KCNJ2: variants seen among roughly 807,000 people sequenced by gnomAD.
KCNJ2 encodes potassium inwardly rectifying channel subfamily J member 2, also known as inward rectifier potassium channel 2.
A neutral mutation model predicts 28.4 loss-of-function variants in KCNJ2; 12 were observed. That is an observed-to-expected ratio of 0.42 (90% CI 0.27 to 0.68). KCNJ2 has a LOEUF of 0.68. Among genes scored for constraint, KCNJ2 ranks in the 30% least tolerant of loss-of-function variants. The pLI is 0.23. For synonymous variants in KCNJ2, 200 were observed against 203.2 expected (o/e 0.98, Z 0.13); for missense variants, 320 against 551.3 (o/e 0.58, Z 4.20).
Position 70,172,424 on chromosome 17 carries a change from G to A in KCNJ2, c.-216-2400G>A, listed in dbSNP as rs140325418. On this transcript the variant is annotated intron_variant, in intron 1 of 1. Coordinates refer to ENST00000243457, the MANE Select transcript of KCNJ2 (RefSeq NM_000891.3). ...ACATGTGGAACAAATTCTGTTATTA[G>A]CAATGGAAATAAGACAATAATAGTC... Among the ~76,000 whole-genome samples the A allele has an allele frequency of 8.6e-5, 13 of 150,724 alleles. No individual in the cohort carries two copies. The East Asian group carries it at 2.3e-3, about 27-fold the overall frequency.
Position 70,175,238 on chromosome 17 carries a change from C to A in KCNJ2, c.199C>A (p.Arg67=), listed in dbSNP as rs104894580. 2 of 1,614,198 alleles carry A rather than the reference C, an allele frequency of 1.2e-6. No individual in the cohort carries two copies. Among genetic ancestry groups the A allele is most frequent in the Non-Finnish European group, 1.7e-6 (2 of 1,180,038 alleles). Residue 67 remains arginine (R), a synonymous_variant, in exon 2 of 2, where the codon CGG becomes AGG. Coordinates refer to ENST00000243457, the MANE Select transcript of KCNJ2 (RefSeq NM_000891.3). This position sits in a 1 kb window ranked among gnomAD's most constrained non-coding sequence, Gnocchi z 8.3. ...QFINVGEKGQ[R]YLADIFTTCV... is the part of the protein sequence containing the mutation. The stretch of plus-strand genomic sequence containing the variant: ...CATCAATGTGGGTGAGAAGGGGCAA[C>A]GGTACCTCGCAGACATCTTCACCAC...
In KCNJ2 at chr17:70,178,873, A is replaced by G. The variant is rs959341383; in HGVS notation, c.*2550A>G. The G allele has an allele frequency of 5.4e-5, 9 of 166,996 alleles. No individual in the cohort carries two copies. In the Admixed American group the frequency reaches 5.9e-4, roughly 11 times the overall value. The allele number at this position is 166,996 out of a possible 1,614,324, so 10.3% of individuals were successfully genotyped here. A position where few individuals can be genotyped will look rare whatever the true frequency, so the allele number is the denominator to read the frequency against. ...AAGAAAAATAATTGCCATAGAAAGT[A>G]TAATTTCAGTGCAGTAATTTCTGAG... On this transcript the variant is annotated 3_prime_UTR_variant, in exon 2 of 2. Coordinates refer to ENST00000243457, the MANE Select transcript of KCNJ2 (RefSeq NM_000891.3).
rs1373889779 is a variant in KCNJ2, at chr17:70,178,799, T to A, written c.*2476T>A. On this transcript the variant is annotated 3_prime_UTR_variant, in exon 2 of 2. Coordinates refer to ENST00000243457, the MANE Select transcript of KCNJ2 (RefSeq NM_000891.3). ...TTTTTAAAGTGTACATTTTATAAAGTTTATCAGATATTTTCATATTTAAAG... is the reference window on the plus strand; with the variant it reads ...TTTTTAAAGTGTACATTTTATAAAGATTATCAGATATTTTCATATTTAAAG... 1 of 166,986 alleles carries A rather than the reference T, an allele frequency of 6.0e-6. No homozygotes were observed. Among genetic ancestry groups the A allele is most frequent in the Non-Finnish European group, 1.5e-5 (1 of 68,118 alleles). 10.3% of individuals were successfully genotyped at this position (166,986 alleles called of 1,614,324 possible).
chr17:70,172,978 A>C (rs2074373073), intron 1 of KCNJ2, among the ~76,000 whole-genome samples: 1 of 152,210 alleles, frequency 6.6e-6, no homozygotes, highest in South Asian at 2.1e-4. Context: ...AAGCAGACAA[A>C]ACATTGAAGC....
chr17:70,176,277 G>A lies in KCNJ2; in HGVS notation c.1238G>A (p.Ser413Asn), dbSNP rs779960704. 1.2e-6 allele frequency: 2 copies of A among 1,614,182 alleles called. No homozygotes were observed. Among genetic ancestry groups the A allele is most frequent in the East Asian group, 2.2e-5 (1 of 44,870 alleles). Reference sequence around the variant, plus strand: ...GACATAGACCTTCACAACCAGGCAAGTGTACCTCTAGAGCCCAGGCCCTTA... The same window carrying A: ...GACATAGACCTTCACAACCAGGCAAATGTACCTCTAGAGCCCAGGCCCTTA... ...PPDIDLHNQA[S>N]VPLEPRPLRR... is the part of the protein sequence containing the mutation. Residue 413 changes from serine to asparagine, a missense_variant, in exon 2 of 2, where the codon AGT (serine) becomes AAT (asparagine). Transcript: ENST00000243457.
chr17:70,172,319 A>G (rs1298603716), intron 1 of KCNJ2, among the ~76,000 whole-genome samples: 4 of 82,996 alleles, frequency 4.8e-5, no homozygotes, highest in African/African-American at 2.2e-4. Flanking sequence ...TGCCAAAAAA[A>G]AAAAAAAAAA....
intron 1 of KCNJ2, among the ~76,000 whole-genome samples, chr17:70,173,302 T>A (rs2074374500): frequency 6.6e-6 from 1 of 152,216 alleles, no homozygotes; most frequent in Non-Finnish European, 1.5e-5. Context: ...ATCGGTTCTA[T>A]TAACTGTTTA....
In KCNJ2 at chr17:70,175,166, T is replaced by C. The variant is rs1170369013; in HGVS notation, c.127T>C (p.Cys43Arg). The C allele has an allele frequency of 6.2e-7, 1 of 1,614,202 alleles. No individual in the cohort carries two copies. Among genetic ancestry groups the C allele is most frequent in the East Asian group, 2.2e-5 (1 of 44,886 alleles). The stretch of plus-strand genomic sequence containing the variant: ...GAGTAAAGTCCACACCCGACAACAG[T>C]GCAGGAGCCGCTTTGTGAAGAAAGA... ...GKSKVHTRQQ[C>R]RSRFVKKDGH... Residue 43 changes from cysteine to arginine, a missense_variant, in exon 2 of 2, where the codon TGC (cysteine) becomes CGC (arginine). Physicochemically the swap from Cys to Arg is radical, Grantham distance 180 (BLOSUM62 -3). Coordinates refer to ENST00000243457, the MANE Select transcript of KCNJ2 (RefSeq NM_000891.3). This position sits in a 1 kb window ranked among gnomAD's most constrained non-coding sequence, Gnocchi z 8.3.
At chr17:70,174,787 G>T (rs534429770) in intron 1 of KCNJ2, 37 bp from the exon 2 acceptor site, 5 of 555,934 alleles carry the variant, frequency 9.0e-6, no homozygotes, top group South Asian at 6.1e-5. Flanking sequence ...TTTAAGAGTG[G>T]CTTATTTTGT....
rs886053326 is a variant in KCNJ2 at position 70,176,536 on chromosome 17, G to A, written c.*213G>A. ...TCTCCATGTGACCCGATGGCACATA[G>A]ATGTTGTAGAATAAGTTATGGGTTT... On this transcript the variant is annotated 3_prime_UTR_variant, in exon 2 of 2. Coordinates refer to ENST00000243457, the MANE Select transcript of KCNJ2 (RefSeq NM_000891.3). The A allele has an allele frequency of 2.8e-4, 172 of 615,446 alleles. No homozygotes were observed. Among genetic ancestry groups the A allele is most frequent in the Non-Finnish European group, 5.9e-5 (20 of 337,600 alleles). 38.1% of individuals were successfully genotyped at this position (615,446 alleles called of 1,614,324 possible). A position where few individuals can be genotyped will look rare whatever the true frequency, so the allele number is the denominator to read the frequency against.
At position 70,176,337 on chromosome 17, in the gene KCNJ2, T is replaced by A; in HGVS notation, c.*14T>A. 1 of 1,609,098 alleles carries A rather than the reference T, an allele frequency of 6.2e-7. No homozygotes were observed. The highest frequency in any genetic ancestry group is 8.5e-7 in the Non-Finnish European group (1 of 1,175,472). On this transcript the variant is annotated 3_prime_UTR_variant, in exon 2 of 2. Coordinates refer to ENST00000243457, the MANE Select transcript of KCNJ2 (RefSeq NM_000891.3). ...TCGGAGATATGACTGACTGATTCCT[T>A]CTCTGGAATAGTTACTTTACAACAC...
intron 1 of KCNJ2, among the ~76,000 whole-genome samples, chr17:70,170,728 C>T (rs1006970495): frequency 9.9e-5 from 15 of 152,162 alleles, no homozygotes; most frequent in African/African-American, 3.1e-4. Context: ...ATTATCTGTA[C>T]ACTTGTTAGC....
intron 1 of KCNJ2, among the ~76,000 whole-genome samples, chr17:70,173,189 A>C (rs1032675087): frequency 2.0e-5 from 3 of 152,230 alleles, no homozygotes; most frequent in African/African-American, 7.2e-5. Flanking sequence ...AAAAGACAGT[A>C]ACAAGGCATT....
chr17:70,174,721 A>T, intron 1 of KCNJ2, 103 bp from the exon 2 acceptor site: 1 of 390,724 alleles, frequency 2.6e-6, no homozygotes, highest in South Asian at 2.5e-5. Context: ...AATTATACTT[A>T]TCTTTACCTG....
intron 1 of KCNJ2, among the ~76,000 whole-genome samples, chr17:70,171,376 G>A (rs987051958): frequency 6.6e-6 from 1 of 152,076 alleles, no homozygotes; most frequent in Non-Finnish European, 1.5e-5. Context: ...TCTATATGGC[G>A]TCAGCTGGGG....
chr17:70,171,079 G>A (rs942354485), intron 1 of KCNJ2, among the ~76,000 whole-genome samples: 3 of 152,202 alleles, frequency 2.0e-5, no homozygotes, highest in African/African-American at 7.2e-5. Flanking sequence ...CTGAAAGATT[G>A]AAAACAGCTA....
In KCNJ2 at chr17:70,175,867, C is replaced by A; in HGVS notation, c.828C>A (p.Asp276Glu). Residue 276 changes from aspartate (D) to glutamate (E), a missense_variant, in exon 2 of 2, where the codon GAC becomes GAA. By Grantham distance (45) the Asp-to-Glu change is conservative. Around this residue, in one of 3 missense-constraint regions of KCNJ2, gnomAD observed 155 missense variants for 231.6 expected, o/e 0.67. Coordinates refer to ENST00000243457, the MANE Select transcript of KCNJ2 (RefSeq NM_000891.3). The surrounding 1 kb of genome is among the most constrained non-coding windows in gnomAD (Gnocchi z 8.3). Reference protein sequence around the residue: ...PITIVHEIDEDSPLYDLSKQD... With the variant: ...PITIVHEIDEESPLYDLSKQD... ...CTATAGTCCATGAAATAGATGAAGACAGTCCTTTATATGATTTGAGTAAAC... is the reference window on the plus strand; with the variant it reads ...CTATAGTCCATGAAATAGATGAAGAAAGTCCTTTATATGATTTGAGTAAAC... The A allele has an allele frequency of 6.2e-7, 1 of 1,614,146 alleles. No homozygotes were observed. The highest frequency in any genetic ancestry group is 1.1e-5 in the South Asian group (1 of 91,078).
intron 1 of KCNJ2, among the ~76,000 whole-genome samples, chr17:70,174,431 G>C (rs894493576): frequency 6.6e-6 from 1 of 151,976 alleles, no homozygotes; most frequent in African/African-American, 2.4e-5. Context: ...AAAATTTTAC[G>C]ACAAACCTTG....
rs893968228 is a variant in KCNJ2, at chr17:70,177,858, T to A, written c.*1535T>A. 49 of 167,100 alleles carry A rather than the reference T, an allele frequency of 2.9e-4. No homozygotes were observed. The highest frequency in any genetic ancestry group is 1.2e-3 in the African/African-American group (49 of 41,466). The allele number at this position is 167,100 out of a possible 1,614,324, so 10.4% of individuals were successfully genotyped here. On this transcript the variant is annotated 3_prime_UTR_variant, in exon 2 of 2. Coordinates refer to ENST00000243457, the MANE Select transcript of KCNJ2 (RefSeq NM_000891.3). The stretch of plus-strand genomic sequence containing the variant: ...TGGTCTAAAACAGCTATTTCCCTTT[T>A]CTGTGTGCATACTTATGACTGAATG...
Sources: gnomAD v4.1 joint callset for allele counts (sites outside exome capture counted in the v4.1 genomes callset) on GRCh38, gnomAD v4.1.1 for gene constraint, gnomAD v4.1.1 regional missense constraint, Gnocchi (gnomAD v3.1) non-coding constraint, MANE v1.5 for transcripts, NCBI Gene and HGNC (gene_info 2026-07-23, HGNC 2026-07-21) for gene names.